The following ABCA13 variants were observed in gnomAD, a reference collection of about 807,000 sequenced individuals.
ABCA13 encodes the protein ATP-binding cassette sub-family A member 13.
ABCA13 carries 476 observed loss-of-function variants against 478.7 expected under a neutral mutation model. The ratio of observed to expected loss-of-function variants is 0.99; its 90% CI spans 0.92 to 1.07. ABCA13 has a LOEUF of 1.07. Ranked by LOEUF, ABCA13 falls within the 50% of genes least tolerant of loss-of-function variation. ABCA13 has a pLI of 0.00. For synonymous variants in ABCA13, 2,252 were observed against 2,158.9 expected, an observed-to-expected ratio of 1.04 and a Z score of -1.20; for missense variants, 6,060 against 5,910.6, an observed-to-expected ratio of 1.03 and a Z score of -0.83.
At chr7:48,307,819 T>C (rs1801140889) in intron 23 of ABCA13, among the ~76,000 whole-genome samples, 1 of 152,118 alleles carries the variant, frequency 6.6e-6, no homozygotes, top group South Asian at 2.1e-4. Flanking sequence ...CAGCTGGGAT[T>C]ACAGGTGTAC....
Position 48,272,460 on chromosome 7 carries a change from G to T in ABCA13, c.2794G>T (p.Ala932Ser). Reference protein sequence around the residue: ...AIRNASDLFSALSEPQKQEVD... With the variant: ...AIRNASDLFSSLSEPQKQEVD... The stretch of plus-strand genomic sequence containing the variant: ...CAGGAATGCATCTGATCTTTTCTCA[G>T]CCCTTTCTGAACCACAAAAACAAGA... The change falls in exon 17 of 62, where the codon GCC becomes TCC. Residue 932 changes from alanine (A) to serine (S), a missense_variant. Ala to Ser is a moderately conservative substitution (Grantham distance 99). This residue lies in a region of ABCA13 where 4,423 missense variants were observed against 4,309.1 expected (regional missense o/e 1.03). Coordinates refer to ENST00000435803, the MANE Select transcript of ABCA13 (RefSeq NM_152701.5). 6.2e-7 allele frequency: 1 copy of T among 1,613,722 alleles called. No individual in the cohort carries two copies. Among genetic ancestry groups the T allele is most frequent in the Non-Finnish European group, 8.5e-7 (1 of 1,179,738 alleles).
chr7:48,178,640 A>G (rs995244480), intron 1 of ABCA13, among the ~76,000 whole-genome samples: 1 of 151,950 alleles, frequency 6.6e-6, no homozygotes, highest in Non-Finnish European at 1.5e-5. Context: ...GCACCATTGC[A>G]CTCCAGCCTG....
chr7:48,593,667 A>G (rs1173386492), intron 57 of ABCA13, among the ~76,000 whole-genome samples: 1 of 139,392 alleles, frequency 7.2e-6, no homozygotes, highest in African/African-American at 2.6e-5. Context: ...CCCCTTTAGC[A>G]TTTTTTTTTT....
chr7:48,211,334 G>A (rs1273280812), intron 3 of ABCA13, among the ~76,000 whole-genome samples: 1 of 152,232 alleles, frequency 6.6e-6, no homozygotes, highest in Non-Finnish European at 1.5e-5. Flanking sequence ...AGCACTAGCT[G>A]TTTCATTCCT....
At chr7:48,628,950 A>G (rs1245443573) in intron 59 of ABCA13, among the ~76,000 whole-genome samples, 1 of 152,206 alleles carries the variant, frequency 6.6e-6, no homozygotes, top group Non-Finnish European at 1.5e-5. Flanking sequence ...ACAACCACTA[A>G]CAAGAACAAT....
Position 48,314,174 on chromosome 7 carries a change from G to C in ABCA13, c.9682-58G>C, listed in dbSNP as rs1424499851. The C allele has an allele frequency of 3.9e-6, 6 of 1,546,898 alleles. No individual in the cohort carries two copies. The Admixed American group carries it at 7.8e-5, about 20-fold the overall frequency. On this transcript the variant is annotated intron_variant, in intron 25 of 61. Transcript: ENST00000435803. ...GAAGGAACTAGACTTTCAGAAGTGTGTGAAGGAATTGTTTTAAGTCACTAT... is the reference window on the plus strand; with the variant it reads ...GAAGGAACTAGACTTTCAGAAGTGTCTGAAGGAATTGTTTTAAGTCACTAT...
At chr7:48,294,174 C>G (rs552548941) in intron 20 of ABCA13, among the ~76,000 whole-genome samples, 1 of 151,920 alleles carries the variant, frequency 6.6e-6, no homozygotes, top group Non-Finnish European at 1.5e-5. Flanking sequence ...TTACTACAAA[C>G]AAATGAGCAT....
intron 41 of ABCA13, 100 bp downstream of exon 41, chr7:48,412,683 G>A (rs1488414693): frequency 3.0e-5 from 24 of 797,298 alleles, no homozygotes. Flanking sequence ...TGTGGGTAAG[G>A]GGGAGGAGTG....
intron 57 of ABCA13, among the ~76,000 whole-genome samples, chr7:48,594,136 A>G (rs989390513): frequency 1.3e-5 from 2 of 152,132 alleles, no homozygotes; most frequent in African/African-American, 4.8e-5. Context: ...TATTTATTTA[A>G]TAAGCATTCT....
intron 53 of ABCA13, 114 bp downstream of exon 53, chr7:48,520,408 A>C: frequency 1.7e-6 from 2 of 1,210,414 alleles, no homozygotes; most frequent in Admixed American, 3.1e-5. Flanking sequence ...AGCATTATAC[A>C]TAGTTCTAAT....
chr7:48,268,742 T>A (rs900838779), intron 15 of ABCA13, among the ~76,000 whole-genome samples: 14 of 143,540 alleles, frequency 9.8e-5, no homozygotes, highest in Non-Finnish European at 1.6e-4. Flanking sequence ...GGTCTCGCTC[T>A]GTTGTTTACT....
At chr7:48,260,347 G>A (rs2128720631) in intron 15 of ABCA13, among the ~76,000 whole-genome samples, 1 of 152,186 alleles carries the variant, frequency 6.6e-6, no homozygotes, top group South Asian at 2.1e-4. Flanking sequence ...TGTAGTTGAT[G>A]ATAGTTCTGT....
At chr7:48,209,092 A>G (rs1180560633) in intron 3 of ABCA13, among the ~76,000 whole-genome samples, 1 of 152,112 alleles carries the variant, frequency 6.6e-6, no homozygotes, top group African/African-American at 2.4e-5. Context: ...TTTTGATGTG[A>G]TGTATCACAT....
At chr7:48,318,970 T>TG (rs1185228305) in intron 27 of ABCA13, among the ~76,000 whole-genome samples, 1 of 152,162 alleles carries the variant, frequency 6.6e-6, no homozygotes. Flanking sequence ...CACCCTATTG[T>TG]GGGGAAGAGA....
intron 33 of ABCA13, 32 bp downstream of exon 33, chr7:48,372,529 A>AC: frequency 6.7e-7 from 1 of 1,492,828 alleles, no homozygotes; most frequent in Non-Finnish European, 9.0e-7. Context: ...AAAAAAAAAA[A>AC]AAAACAACAA....
chr7:48,634,654 T>A (rs1245763420), intron 59 of ABCA13, among the ~76,000 whole-genome samples: 1 of 152,204 alleles, frequency 6.6e-6, no homozygotes, highest in Non-Finnish European at 1.5e-5. Context: ...CCAACTTTAT[T>A]ATTTCCTGTC....
In ABCA13 at chr7:48,528,365, A is replaced by G. The variant is rs758930951; in HGVS notation, c.14354+20A>G. 1.3e-6 allele frequency: 2 copies of G among 1,494,302 alleles called. No homozygotes were observed. The highest frequency in any genetic ancestry group is 1.8e-6 in the Non-Finnish European group (2 of 1,111,270). 92.6% of individuals were successfully genotyped at this position (1,494,302 alleles called of 1,614,324 possible). A position where few individuals can be genotyped will look rare whatever the true frequency, so the allele number is the denominator to read the frequency against. On this transcript the variant is annotated intron_variant, in intron 55 of 61. Coordinates refer to ENST00000435803, the MANE Select transcript of ABCA13 (RefSeq NM_152701.5). ...CATGGGGTAAGATACAGATTTCATC[A>G]TTTTTGTTGCTTAAAGAGATAATAA...
At chr7:48,452,138 A>T in intron 42 of ABCA13, among the ~76,000 whole-genome samples, 1 of 152,194 alleles carries the variant, frequency 6.6e-6, no homozygotes, top group Non-Finnish European at 1.5e-5. Flanking sequence ...AATATGAGAA[A>T]CATCTTTCCC....
intron 55 of ABCA13, 126 bp downstream of exon 55, chr7:48,528,471 A>C: frequency 3.1e-6 from 2 of 638,782 alleles, no homozygotes; most frequent in South Asian, 5.7e-5. Flanking sequence ...TTTACCTTCC[A>C]ATTACCACTC....
Sources: allele counts gnomAD v4.1 joint callset (sites outside exome capture counted in the v4.1 genomes callset), GRCh38; gene constraint gnomAD v4.1.1; regional missense constraint gnomAD v4.1.1; transcripts MANE v1.5; gene names NCBI Gene and HGNC (gene_info 2026-07-23, HGNC 2026-07-21).